Variants in KLHL1 observed in about 807,000 individuals in gnomAD.
The protein encoded by KLHL1 is kelch-like protein 1.
In KLHL1, 47 loss-of-function variants were observed where a neutral mutation model predicts 77.7. That is an observed-to-expected ratio of 0.60 (90% CI 0.48 to 0.77). The LOEUF is 0.77. Ranked by LOEUF, KLHL1 falls within the 30% of genes least tolerant of loss-of-function variation. KLHL1 has a pLI of 0.00. For missense variants in KLHL1, 925 were observed against 910.8 expected (o/e 1.02, Z -0.20); for synonymous variants, 360 against 325.2 (o/e 1.11, Z -1.15).
intron 1 of KLHL1, among the ~76,000 whole-genome samples, chr13:70,002,595 A>T (rs1197241248): frequency 6.6e-6 from 1 of 151,654 alleles, no homozygotes; most frequent in African/African-American, 2.4e-5. Context: ...TTTAATCTAC[A>T]AATCCAAAAA....
At chr13:69,725,407 T>C (rs1873249669) in intron 8 of KLHL1, among the ~76,000 whole-genome samples, 1 of 151,934 alleles carries the variant, frequency 6.6e-6, no homozygotes. Context: ...CCTTAAAGAG[T>C]CCATCTTTTA....
intron 1 of KLHL1, among the ~76,000 whole-genome samples, chr13:70,006,409 T>C (rs1885405069): frequency 6.6e-6 from 1 of 151,986 alleles, no homozygotes; most frequent in Non-Finnish European, 1.5e-5. Flanking sequence ...TTTGGGGATA[T>C]TGGTCTGTAA....
intron 3 of KLHL1, among the ~76,000 whole-genome samples, chr13:69,948,605 G>A (rs1227456512): frequency 6.6e-6 from 1 of 151,910 alleles, no homozygotes; most frequent in Non-Finnish European, 1.5e-5. Flanking sequence ...ATATGTATGA[G>A]TAGACTTAAA....
At chr13:69,807,563 G>T (rs1315864506) in intron 6 of KLHL1, among the ~76,000 whole-genome samples, 1 of 152,058 alleles carries the variant, frequency 6.6e-6, no homozygotes, top group East Asian at 1.9e-4. Context: ...ACCTGAGAGG[G>T]GCCCCACTCT....
chr13:70,051,889 C>T (rs1886637986), intron 1 of KLHL1, among the ~76,000 whole-genome samples: 1 of 151,316 alleles, frequency 6.6e-6, no homozygotes, highest in African/African-American at 2.4e-5. Context: ...GAAAACAATG[C>T]TAAACTGAGA....
chr13:69,964,044 AGTTT>A (rs201540320), intron 2 of KLHL1, among the ~76,000 whole-genome samples: 3 of 130,204 alleles, frequency 2.3e-5, no homozygotes, highest in East Asian at 4.4e-4. Context: ...TTTTTTTGTC[AGTTT>A]GTTTGTTTTT....
chr13:70,068,322 C>A (rs1165751865), intron 1 of KLHL1, among the ~76,000 whole-genome samples: 1 of 151,014 alleles, frequency 6.6e-6, no homozygotes, highest in African/African-American at 2.4e-5. Flanking sequence ...GCCTGGGCGA[C>A]AGAGCGAGAC....
chr13:70,104,390 T>C (rs981734447), intron 1 of KLHL1, among the ~76,000 whole-genome samples: 6 of 152,198 alleles, frequency 3.9e-5, no homozygotes, highest in East Asian at 1.9e-4. Flanking sequence ...ACTACCTTTA[T>C]GTTTCAAGTC....
intron 9 of KLHL1, among the ~76,000 whole-genome samples, chr13:69,717,270 G>A (rs1991071): frequency 0.88 from 133,361 of 152,196 alleles, 58,775 homozygotes; most frequent in East Asian, 0.99. Context: ...ATATACTACA[G>A]AACATTTTTA....
At position 69,975,790 on chromosome 13, in the gene KLHL1, G is replaced by T; in HGVS notation, c.510C>A (p.Thr170=). 4 of 1,606,550 alleles carry T rather than the reference G, an allele frequency of 2.5e-6. No individual in the cohort carries two copies. Among genetic ancestry groups the T allele is most frequent in the East Asian group, 2.3e-5 (1 of 44,378 alleles). ...CACTTTGAGGTGTCATTGAATGGCCGGTTGATGACAGCCTATAAACCACAC... is the reference window on the plus strand; with the variant it reads ...CACTTTGAGGTGTCATTGAATGGCCTGTTGATGACAGCCTATAAACCACAC... ...GEGCGHRLSS[T]GHSMTPQSDL... The change falls in exon 2 of 11, where the codon ACC becomes ACA. Residue 170 remains threonine (T), a synonymous_variant. Transcript: ENST00000377844.
At chr13:69,758,222 C>G (rs907438698) in intron 7 of KLHL1, among the ~76,000 whole-genome samples, 1 of 151,886 alleles carries the variant, frequency 6.6e-6, no homozygotes. Context: ...ATACTAAATT[C>G]TTGTTCAAAA....
chr13:69,900,664 T>C (rs1881822082), intron 4 of KLHL1, among the ~76,000 whole-genome samples: 1 of 152,126 alleles, frequency 6.6e-6, no homozygotes, highest in South Asian at 2.1e-4. Context: ...CCAACATAAT[T>C]TGGAAGAGAC....
chr13:69,872,971 G>T (rs1406475136), intron 5 of KLHL1, among the ~76,000 whole-genome samples: 2 of 152,146 alleles, frequency 1.3e-5, no homozygotes, highest in Non-Finnish European at 2.9e-5. Flanking sequence ...ACTACAGTAG[G>T]AGGCATACAC....
At chr13:69,827,685 C>T (rs1305840895) in intron 6 of KLHL1, among the ~76,000 whole-genome samples, 1 of 143,536 alleles carries the variant, frequency 7.0e-6, no homozygotes, top group East Asian at 2.1e-4. Flanking sequence ...GAGCCAAGAT[C>T]GTGCCACTGC....
At chr13:69,873,760 T>C (rs553300754) in intron 5 of KLHL1, among the ~76,000 whole-genome samples, 2 of 152,238 alleles carry the variant, frequency 1.3e-5, no homozygotes, top group South Asian at 4.1e-4. Context: ...TTAAAGTATA[T>C]ATATTTAAAA....
At chr13:69,939,308 A>C (rs1337017833) in intron 4 of KLHL1, among the ~76,000 whole-genome samples, 1 of 135,892 alleles carries the variant, frequency 7.4e-6, no homozygotes, top group Non-Finnish European at 1.6e-5. Context: ...AAAGCTGTTA[A>C]ATATACACAC....
chr13:70,106,639 A>T (rs1888063061), intron 1 of KLHL1, among the ~76,000 whole-genome samples: 1 of 152,232 alleles, frequency 6.6e-6, no homozygotes, highest in Admixed American at 6.5e-5. Flanking sequence ...AAGTAAAAGG[A>T]CCAGAAGAGA....
At chr13:69,871,746 G>A (rs1293282372) in intron 5 of KLHL1, among the ~76,000 whole-genome samples, 2 of 141,856 alleles carry the variant, frequency 1.4e-5, no homozygotes, top group Non-Finnish European at 3.0e-5. Context: ...TTTTTTTCCT[G>A]TGGTGGAACA....
In KLHL1 at chr13:69,827,729, C is replaced by CAAAA. The variant is rs58504097; in HGVS notation, c.1414+11243_1414+11246dup. 7.0e-4 allele frequency among the ~76,000 whole-genome samples: 51 copies of CAAAA among 73,008 alleles called. 1 individual carries two copies. Among genetic ancestry groups the CAAAA allele is most frequent in the African/African-American group, 1.8e-3 (41 of 23,052 alleles). 47.9% of individuals were successfully genotyped at this position (73,008 alleles called of 152,430 possible). ...CTGGCGACAGAGCGAGACCCTGTCT[C>CAAAA]AAAAAAAAAAAAAAAAAAAAAAAGT... is the stretch of plus-strand genomic sequence containing the variant. On this transcript the variant is annotated intron_variant, in intron 6 of 10. Transcript: ENST00000377844.
Sources: gnomAD v4.1 joint callset for allele counts (sites outside exome capture counted in the v4.1 genomes callset) on GRCh38, gnomAD v4.1.1 for gene constraint, MANE v1.5 for transcripts, NCBI Gene and HGNC (gene_info 2026-07-23, HGNC 2026-07-21) for gene names.